KCNH5: variants seen among roughly 807,000 people sequenced by gnomAD.
KCNH5 encodes the protein potassium voltage-gated channel subfamily H member 5.
KCNH5 carries 46 observed loss-of-function variants against 96.1 expected under a neutral mutation model. The observed-to-expected ratio is 0.48, with a 90% CI of 0.38 to 0.61. KCNH5 has a LOEUF of 0.61. Among genes scored for constraint, KCNH5 ranks in the 20% least tolerant of loss-of-function variants. The pLI is 0.00. For synonymous variants in KCNH5, 439 were observed against 449.8 expected (o/e 0.98, Z 0.30); for missense variants, 907 against 1,225.8 (o/e 0.74, Z 3.88).
At chr14:63,044,275 T>C (rs994698328) in intron 1 of KCNH5, among the ~76,000 whole-genome samples, 2 of 152,208 alleles carry the variant, frequency 1.3e-5, no homozygotes, top group African/African-American at 4.8e-5. Flanking sequence ...GGTCTTAAAA[T>C]GTGGAAATAT....
chr14:63,030,109 G>C (rs1891598154), intron 1 of KCNH5, among the ~76,000 whole-genome samples: 1 of 152,108 alleles, frequency 6.6e-6, no homozygotes, highest in African/African-American at 2.4e-5. Context: ...TCTTGACAGG[G>C]AAACCAGTTC....
At chr14:62,967,624 G>C (rs906076076) in intron 6 of KCNH5, among the ~76,000 whole-genome samples, 1 of 152,068 alleles carries the variant, frequency 6.6e-6, no homozygotes, top group African/African-American at 2.4e-5. Context: ...GGGACATTAG[G>C]GAATAAAATG....
At chr14:62,740,380 T>G (rs557371688) in intron 10 of KCNH5, among the ~76,000 whole-genome samples, 3 of 152,328 alleles carry the variant, frequency 2.0e-5, no homozygotes, top group Admixed American at 6.5e-5. Flanking sequence ...TTCTCTGGCC[T>G]AGGTTGTCAG....
chr14:62,968,291 T>C (rs76088996), intron 6 of KCNH5, among the ~76,000 whole-genome samples: 29,078 of 152,100 alleles, frequency 0.19, 3,088 homozygotes, highest in Non-Finnish European at 0.25. Context: ...TATTTACACC[T>C]GCAAATAGTT....
chr14:63,010,023 C>T (rs1403176392), intron 2 of KCNH5, among the ~76,000 whole-genome samples: 1 of 152,168 alleles, frequency 6.6e-6, no homozygotes, highest in East Asian at 1.9e-4. Flanking sequence ...TCCACTTGCT[C>T]TCTTACATAG....
chr14:62,962,811 A>C (rs10133601), intron 6 of KCNH5, among the ~76,000 whole-genome samples: 21,027 of 152,144 alleles, frequency 0.14, 1,551 homozygotes, highest in African/African-American at 0.19. Context: ...GCAACATTTT[A>C]ATGAGTTTAA....
chr14:62,744,749 G>A (rs1885340957), intron 10 of KCNH5, among the ~76,000 whole-genome samples: 1 of 152,166 alleles, frequency 6.6e-6, no homozygotes, highest in African/African-American at 2.4e-5. Context: ...CAGAAACCAT[G>A]ATTGTTCATT....
intron 6 of KCNH5, among the ~76,000 whole-genome samples, chr14:62,978,773 CTT>C (rs1482548467): frequency 6.6e-6 from 1 of 151,870 alleles, no homozygotes; most frequent in East Asian, 1.9e-4. Flanking sequence ...TCAAGCCAAT[CTT>C]TTGATTATTT....
chr14:62,794,565 G>C (rs1045214672), intron 9 of KCNH5, among the ~76,000 whole-genome samples: 2 of 151,296 alleles, frequency 1.3e-5, no homozygotes, highest in African/African-American at 2.4e-5. Context: ...TTCTTCACAG[G>C]GTTATTAAAC....
chr14:62,759,832 T>C (rs539162181), intron 10 of KCNH5, among the ~76,000 whole-genome samples: 18 of 152,282 alleles, frequency 1.2e-4, no homozygotes, highest in Non-Finnish European at 1.9e-4. Context: ...TCTACTTTCA[T>C]AGTTTTTTCA....
chr14:62,798,575 TGGA>T (rs1886585993), intron 9 of KCNH5, among the ~76,000 whole-genome samples: 2 of 152,164 alleles, frequency 1.3e-5, no homozygotes, highest in Non-Finnish European at 2.9e-5. Flanking sequence ...CAGAAAAAGG[TGGA>T]GGTGTAGGAA....
At chr14:62,747,177 T>C (rs1885395891) in intron 10 of KCNH5, among the ~76,000 whole-genome samples, 1 of 152,032 alleles carries the variant, frequency 6.6e-6, no homozygotes, top group Non-Finnish European at 1.5e-5. Context: ...CTACTAAAAA[T>C]ACAAAAAATC....
chr14:62,818,101 G>T (rs768945740), intron 8 of KCNH5, among the ~76,000 whole-genome samples: 3 of 108,262 alleles, frequency 2.8e-5, no homozygotes, highest in Non-Finnish European at 3.8e-5. Flanking sequence ...GCTACCAGGA[G>T]CTGGGGGCGG....
intron 4 of KCNH5, 85 bp downstream of exon 4, chr14:63,001,246 C>T (rs1891004897): frequency 2.4e-6 from 3 of 1,260,950 alleles, no homozygotes; most frequent in South Asian, 1.7e-5. Context: ...TTTTGTTTTC[C>T]AGTTCAATCA....
At chr14:63,003,624 A>ATATATATATTTTTTT (rs1491457497) in intron 3 of KCNH5, among the ~76,000 whole-genome samples, 3 of 92,824 alleles carry the variant, frequency 3.2e-5, no homozygotes, top group African/African-American at 1.4e-4. Context: ...ATATATATAT[A>ATATATATATTTTTTT]TTTTTTTTTT....
chr14:62,799,520 C>G (rs1398840289), intron 9 of KCNH5, among the ~76,000 whole-genome samples: 1 of 133,864 alleles, frequency 7.5e-6, no homozygotes, highest in Admixed American at 8.5e-5. Context: ...TTGCGGTGAG[C>G]TGAGATCACA....
chr14:63,018,688 G>A (rs947967466), intron 1 of KCNH5, among the ~76,000 whole-genome samples: 3 of 151,950 alleles, frequency 2.0e-5, no homozygotes, highest in African/African-American at 7.2e-5. Flanking sequence ...TTAAAATCAA[G>A]TCTCTTCATG....
At chr14:63,012,172 T>A (rs1479376298) in intron 2 of KCNH5, among the ~76,000 whole-genome samples, 1 of 152,214 alleles carries the variant, frequency 6.6e-6, no homozygotes, top group Non-Finnish European at 1.5e-5. Flanking sequence ...TAAGATCATA[T>A]GCTTTTAAAT....
At chr14:62,813,312 T>TTC in intron 8 of KCNH5, among the ~76,000 whole-genome samples, 1 of 152,194 alleles carries the variant, frequency 6.6e-6, no homozygotes, top group Non-Finnish European at 1.5e-5. Flanking sequence ...ATCTTTAGTC[T>TTC]TAGTGAAGTT....
Sources: gnomAD v4.1 joint callset for allele counts (sites outside exome capture counted in the v4.1 genomes callset) on GRCh38, gnomAD v4.1.1 for gene constraint, MANE v1.5 for transcripts, NCBI Gene and HGNC (gene_info 2026-07-23, HGNC 2026-07-21) for gene names.